The following CACNA1C variants were observed in gnomAD, a reference collection of about 807,000 sequenced individuals.
CACNA1C encodes voltage-dependent L-type calcium channel subunit alpha-1C.
Under a neutral mutation model 229.0 loss-of-function variants are expected in CACNA1C, and 30 were observed. The ratio of observed to expected loss-of-function variants is 0.13; its 90% CI spans 0.10 to 0.18. The LOEUF is 0.18. Among genes scored for constraint, CACNA1C ranks in the 10% least tolerant of loss-of-function variants. The pLI is 1.00. For missense variants in CACNA1C, 1,658 were observed against 2,845.0 expected, an observed-to-expected ratio of 0.58 and a Z score of 9.49; for synonymous variants, 1,114 against 1,132.5, an observed-to-expected ratio of 0.98 and a Z score of 0.33.
chr12:2,626,210 C>T (rs905365192), intron 29 of CACNA1C, among the ~76,000 whole-genome samples: 26 of 152,252 alleles, frequency 1.7e-4, no homozygotes, highest in Non-Finnish European at 2.5e-4. Context: ...CTCTGCCCAG[C>T]GCCCTGCCTG....
chr12:2,112,524 G>C (rs1284686439), intron 1 of CACNA1C, among the ~76,000 whole-genome samples: 1 of 152,158 alleles, frequency 6.6e-6, no homozygotes, highest in African/African-American at 2.4e-5. Flanking sequence ...GGTGAGAGTC[G>C]GTGTCACATT....
At chr12:2,614,418 T>C (rs1304260939) in intron 29 of CACNA1C, 1 of 152,264 alleles carries the variant, frequency 6.6e-6, no homozygotes, top group African/African-American at 2.4e-5. Context: ...AGGAGCATCA[T>C]GGAGCACAGC....
chr12:2,406,124 G>A (rs1030290061), intron 3 of CACNA1C, among the ~76,000 whole-genome samples: 1 of 152,144 alleles, frequency 6.6e-6, no homozygotes, highest in Non-Finnish European at 1.5e-5. Context: ...GAAATATGCT[G>A]TCATTTGAAT....
chr12:2,320,840 G>T (rs1227295433), intron 3 of CACNA1C, among the ~76,000 whole-genome samples: 1 of 152,180 alleles, frequency 6.6e-6, no homozygotes, highest in Non-Finnish European at 1.5e-5. Flanking sequence ...GAGACAAAAA[G>T]GATGAGGTTC....
At chr12:2,065,080 G>T (rs1255746068) in intron 1 of CACNA1C, among the ~76,000 whole-genome samples, 1 of 152,212 alleles carries the variant, frequency 6.6e-6, no homozygotes, top group East Asian at 1.9e-4. Context: ...GCTCACAGGT[G>T]CCTCTGGGCC....
chr12:2,665,688 A>G lies in CACNA1C; in HGVS notation c.4506A>G (p.Ala1502=), dbSNP rs1360192460. ...TGGATGAGTTTAAAAGAATCTGGGC[A>G]GAGTATGACCCTGAAGCCAAGTAAG... The part of the protein sequence containing the change: ...HHLDEFKRIW[A]EYDPEAKGRI... The change falls in exon 36 of 47, where the codon GCA becomes GCG. Residue 1502 remains alanine, a synonymous_variant. Coordinates refer to ENST00000399655, the MANE Select transcript of CACNA1C (RefSeq NM_000719.7). The surrounding 1 kb of genome is among the most constrained non-coding windows in gnomAD (Gnocchi z 5.9). 1 of 1,613,324 alleles carries G rather than the reference A, an allele frequency of 6.2e-7. No homozygotes were observed. Among genetic ancestry groups the G allele is most frequent in the African/African-American group, 1.3e-5 (1 of 74,920 alleles).
At chr12:1,977,317 C>T (rs950573827) in intron 1 of CACNA1C, among the ~76,000 whole-genome samples, 4 of 152,066 alleles carry the variant, frequency 2.6e-5, no homozygotes, top group Non-Finnish European at 5.9e-5. Flanking sequence ...GGTTTGCCTT[C>T]GTTGGAGAGG....
chr12:2,211,481 G>C (rs1289751164), intron 3 of CACNA1C, among the ~76,000 whole-genome samples: 35 of 152,208 alleles, frequency 2.3e-4, no homozygotes, highest in Admixed American at 2.3e-3. Context: ...CTGTAGTTTT[G>C]TAAATCTATG....
chr12:2,400,484 T>G (rs11837126), intron 3 of CACNA1C, among the ~76,000 whole-genome samples: 32,778 of 152,128 alleles, frequency 0.22, 4,510 homozygotes, highest in African/African-American at 0.39. Context: ...TTTTACCGAA[T>G]AATTTCATCC....
intron 18 of CACNA1C, among the ~76,000 whole-genome samples, chr12:2,588,616 A>G (rs1391446721): frequency 6.6e-6 from 1 of 152,198 alleles, no homozygotes; most frequent in Non-Finnish European, 1.5e-5. Flanking sequence ...TAATTCAACA[A>G]GGGGCCATCG....
At chr12:2,376,537 C>T (rs1197920565) in intron 3 of CACNA1C, among the ~76,000 whole-genome samples, 6 of 152,094 alleles carry the variant, frequency 3.9e-5, no homozygotes, top group African/African-American at 9.7e-5. Flanking sequence ...GACAGGTGGA[C>T]GAATAAATGT....
At chr12:2,128,621 C>T (rs1347367063) in intron 3 of CACNA1C, among the ~76,000 whole-genome samples, 1 of 152,104 alleles carries the variant, frequency 6.6e-6, no homozygotes, top group Non-Finnish European at 1.5e-5. Flanking sequence ...CCGTGTTAGT[C>T]AGGATGGTCT....
intron 3 of CACNA1C, among the ~76,000 whole-genome samples, chr12:2,235,444 G>C (rs1027214289): frequency 3.9e-5 from 6 of 152,134 alleles, no homozygotes. Flanking sequence ...GCAACCCAAG[G>C]CTAATTTTTT....
chr12:2,275,853 C>T lies in CACNA1C; in HGVS notation c.477+155423C>T, dbSNP rs774131079. Among the ~76,000 whole-genome samples, 2 of 150,342 alleles carry T rather than the reference C, an allele frequency of 1.3e-5. No homozygotes were observed. The highest frequency in any genetic ancestry group is 2.5e-5 in the African/African-American group (1 of 40,124). ...GTTCTTTGGTGAAGCTTGTCTGCAG[C>T]GAGCCCTCAAAAAACATGGGTTTTG... On this transcript the variant is annotated intron_variant, in intron 3 of 46. Transcript: ENST00000399655. This position sits in a 1 kb window ranked among gnomAD's most constrained non-coding sequence, Gnocchi z 4.1.
intron 3 of CACNA1C, among the ~76,000 whole-genome samples, chr12:2,174,220 CTA>C (rs991941028): frequency 2.2e-4 from 33 of 152,034 alleles, no homozygotes; most frequent in African/African-American, 8.0e-4. Context: ...AGAGAAAACT[CTA>C]GACATCACCA....
At chr12:2,591,461 G>A (rs187898833) in intron 18 of CACNA1C, among the ~76,000 whole-genome samples, 1 of 152,310 alleles carries the variant, frequency 6.6e-6, no homozygotes, top group Admixed American at 6.5e-5. Context: ...TCAGCACATA[G>A]GGAGAAGGGA....
chr12:2,182,990 A>T (rs1408005612), intron 3 of CACNA1C, among the ~76,000 whole-genome samples: 3 of 152,116 alleles, frequency 2.0e-5, no homozygotes, highest in Non-Finnish European at 4.4e-5. Context: ...TTAAATGGGG[A>T]TATCACTTCC....
Position 2,364,989 on chromosome 12 carries a change from G to A in CACNA1C, c.478-83987G>A, listed in dbSNP as rs149844974. 3.3e-5 allele frequency among the ~76,000 whole-genome samples: 5 copies of A among 152,372 alleles called. No individual in the cohort carries two copies. In the South Asian group the frequency reaches 1.0e-3, roughly 32 times the overall value. Reference sequence around the variant, plus strand: ...AATGAGGAAGCAACAGCCCCTGCCTGTGAGTGGCCTACAGGCTAGAAACAG... The same window carrying A: ...AATGAGGAAGCAACAGCCCCTGCCTATGAGTGGCCTACAGGCTAGAAACAG... On this transcript the variant is annotated intron_variant, in intron 3 of 46. Coordinates refer to ENST00000399655, the MANE Select transcript of CACNA1C (RefSeq NM_000719.7).
Position 2,504,642 on chromosome 12 carries a change from C to A in CACNA1C, c.1114-200C>A. On this transcript the variant is annotated intron_variant, in intron 7 of 46. Coordinates refer to ENST00000399655, the MANE Select transcript of CACNA1C (RefSeq NM_000719.7). This position sits in a 1 kb window ranked among gnomAD's most constrained non-coding sequence, Gnocchi z 6.8. ...TCCTCAGGGATGGGACCCTGACAGG[C>A]CCAGGAAAACCACAACAAAGCCTCT... 1.3e-6 allele frequency: 1 copy of A among 794,176 alleles called. No individual in the cohort carries two copies. The highest frequency in any genetic ancestry group is 2.2e-6 in the Non-Finnish European group (1 of 450,860). 49.2% of individuals were successfully genotyped at this position (794,176 alleles called of 1,614,324 possible).
Sources: allele counts gnomAD v4.1 joint callset (sites outside exome capture counted in the v4.1 genomes callset), GRCh38; gene constraint gnomAD v4.1.1; non-coding constraint Gnocchi (gnomAD v3.1); transcripts MANE v1.5; gene names NCBI Gene and HGNC (gene_info 2026-07-23, HGNC 2026-07-21).